RGS7: variants seen among roughly 807,000 people sequenced by gnomAD.
RGS7 encodes the protein regulator of G-protein signaling 7.
In RGS7, 27 loss-of-function variants were observed where a neutral mutation model predicts 81.1. The ratio of observed to expected loss-of-function variants is 0.33; its 90% confidence interval spans 0.25 to 0.46. The LOEUF is 0.46. Ranked by LOEUF, RGS7 falls within the 20% of genes least tolerant of loss-of-function variation. The probability of loss-of-function intolerance (pLI) is 1.00; values close to 1 mark genes in which losing one functional copy is unlikely to be tolerated. For synonymous variants in RGS7, 208 were observed against 207.7 expected (o/e 1.00, Z -0.01); for missense variants, 396 against 607.4 (o/e 0.65, Z 3.66).
At chr1:241,213,204 A>T (rs2074346774) in intron 2 of RGS7, among the ~76,000 whole-genome samples, 1 of 152,180 alleles carries the variant, frequency 6.6e-6, no homozygotes, top group South Asian at 2.1e-4. Flanking sequence ...CTTGGGTATG[A>T]GACTTTGTAG....
At position 241,123,382 on chromosome 1, in the gene RGS7, C is replaced by T. The variant is rs560687016; in HGVS notation, c.79-24620G>A. Among the ~76,000 whole-genome samples the T allele has an allele frequency of 6.6e-5, 10 of 152,310 alleles. No individual in the cohort carries two copies. In the South Asian group the frequency reaches 2.1e-3, roughly 32 times the overall value. ...GCAGAGACAATGCCACTATTCCCAC[C>T]ATTCTAATTATGACCCACATCCTGG... On this transcript the variant is annotated intron_variant, in intron 2 of 18. Coordinates refer to ENST00000440928, the MANE Select transcript of RGS7 (RefSeq NM_001364886.1).
rs1053882307 is a variant in RGS7, at chr1:241,079,610, T to G, written c.175+19056A>C. 3.3e-5 allele frequency among the ~76,000 whole-genome samples: 5 copies of G among 152,062 alleles called. No individual in the cohort carries two copies. In the South Asian group the frequency reaches 1.0e-3, roughly 32 times the overall value. ...TTAGGAGGTAAAAATTTGGAGCTCT[T>G]CTACTTATGATTAAACAGAAAGAGG... On this transcript the variant is annotated intron_variant, in intron 3 of 18. Coordinates refer to ENST00000440928, the MANE Select transcript of RGS7 (RefSeq NM_001364886.1).
At chr1:240,927,480 C>A (rs962209402) in intron 6 of RGS7, among the ~76,000 whole-genome samples, 3 of 152,212 alleles carry the variant, frequency 2.0e-5, no homozygotes, top group African/African-American at 7.2e-5. Context: ...AAGTACATCA[C>A]ACCATCAATA....
Position 241,326,962 on chromosome 1 carries a change from A to AAGAGAGAG in RGS7, c.78+28729_78+28736dup, listed in dbSNP as rs374037886. On this transcript the variant is annotated intron_variant, in intron 2 of 18. Transcript: ENST00000440928. Reference sequence around the variant, plus strand: ...AGAGAGAAATAAGCAGGAAGGAAGGAAGAGAGAGAGAGAGAGAGAAGAAAG... The same window carrying AAGAGAGAG: ...AGAGAGAAATAAGCAGGAAGGAAGGAAGAGAGAGAGAGAGAGAGAGAGAGAGAAGAAAG... Among the ~76,000 whole-genome samples, 48 of 124,556 alleles carry AAGAGAGAG rather than the reference A, an allele frequency of 3.9e-4. 4 individuals carry two copies. In the South Asian group the frequency reaches 7.1e-3, roughly 18 times the overall value. The allele number at this position is 124,556 out of a possible 152,430, so 81.7% of individuals were successfully genotyped here. A position where few individuals can be genotyped will look rare whatever the true frequency, so the allele number is the denominator to read the frequency against.
chr1:240,796,029 T>C (rs754358075), intron 18 of RGS7, among the ~76,000 whole-genome samples: 6 of 152,246 alleles, frequency 3.9e-5, no homozygotes, highest in Non-Finnish European at 5.9e-5. Flanking sequence ...TAGAGCCACG[T>C]TCCCGCCTCA....
At chr1:241,226,433 C>A (rs1481187949) in intron 2 of RGS7, among the ~76,000 whole-genome samples, 1 of 152,186 alleles carries the variant, frequency 6.6e-6, no homozygotes, top group Non-Finnish European at 1.5e-5. Context: ...AGAGTGATAT[C>A]TCTATCTCAG....
chr1:240,900,715 C>A (rs1669856969), intron 6 of RGS7, among the ~76,000 whole-genome samples: 1 of 152,198 alleles, frequency 6.6e-6, no homozygotes, highest in African/African-American at 2.4e-5. Flanking sequence ...CTGGGATGTG[C>A]CTCCCAGTTA....
At chr1:241,012,869 GTTCT>G (rs990104670) in intron 3 of RGS7, among the ~76,000 whole-genome samples, 2 of 152,054 alleles carry the variant, frequency 1.3e-5, no homozygotes, top group Non-Finnish European at 2.9e-5. Context: ...GCTACTAACT[GTTCT>G]TTCTAATGGC....
At chr1:241,343,899 A>T (rs531002174) in intron 2 of RGS7, among the ~76,000 whole-genome samples, 33 of 152,328 alleles carry the variant, frequency 2.2e-4, no homozygotes, top group African/African-American at 7.0e-4. Context: ...AAGAAAAAGT[A>T]AAGAAGACTT....
At chr1:241,079,372 C>T (rs930194679) in intron 3 of RGS7, among the ~76,000 whole-genome samples, 1 of 152,148 alleles carries the variant, frequency 6.6e-6, no homozygotes, top group African/African-American at 2.4e-5. Flanking sequence ...TATTCTTGTA[C>T]TCCAGGTGCT....
chr1:241,241,551 C>T (rs901426269), intron 2 of RGS7, among the ~76,000 whole-genome samples: 2 of 152,072 alleles, frequency 1.3e-5, no homozygotes, highest in African/African-American at 4.8e-5. Flanking sequence ...TTGACCTTCA[C>T]CTTCTGCCTC....
At chr1:241,040,161 T>C (rs2060537651) in intron 3 of RGS7, among the ~76,000 whole-genome samples, 1 of 152,208 alleles carries the variant, frequency 6.6e-6, no homozygotes, top group Non-Finnish European at 1.5e-5. Context: ...CACATCTCCT[T>C]TAGACCCCTC....
chr1:240,895,866 G>C (rs572194106), intron 6 of RGS7, among the ~76,000 whole-genome samples: 10 of 152,304 alleles, frequency 6.6e-5, no homozygotes, highest in Admixed American at 3.9e-4. Context: ...TCACTGCGCT[G>C]TCTTCCACAA....
chr1:240,859,986 T>C lies in RGS7; in HGVS notation c.609+8601A>G, dbSNP rs183718575. Among the ~76,000 whole-genome samples the C allele has an allele frequency of 2.3e-3, 345 of 152,344 alleles. 3 individuals are homozygous for C. The Middle Eastern group carries it at 0.027, about 12-fold the overall frequency. On this transcript the variant is annotated intron_variant, in intron 9 of 18. Coordinates refer to ENST00000440928, the MANE Select transcript of RGS7 (RefSeq NM_001364886.1). ...GACCCATGTGTTATTTAGAAGTGTG[T>C]TGTTTAATCTACTAGTATTTTGAGA...
At chr1:241,247,160 A>C (rs2076588004) in intron 2 of RGS7, among the ~76,000 whole-genome samples, 4 of 152,186 alleles carry the variant, frequency 2.6e-5, no homozygotes, top group Admixed American at 6.5e-5. Context: ...AAGCTCTTTC[A>C]AAACAAGGAC....
intron 3 of RGS7, among the ~76,000 whole-genome samples, chr1:241,017,207 T>C (rs1011542185): frequency 3.9e-5 from 6 of 152,092 alleles, no homozygotes; most frequent in African/African-American, 1.2e-4. Context: ...ATATTTTAGA[T>C]TAATTAAGTG....
intron 6 of RGS7, among the ~76,000 whole-genome samples, chr1:240,900,433 C>G (rs1669798211): frequency 6.6e-6 from 1 of 152,090 alleles, no homozygotes; most frequent in Non-Finnish European, 1.5e-5. Context: ...TTTTATCTAC[C>G]TTTGGTCTTT....
chr1:241,126,219 G>A (rs988657417), intron 2 of RGS7, among the ~76,000 whole-genome samples: 13 of 151,882 alleles, frequency 8.6e-5, no homozygotes, highest in South Asian at 2.1e-4. Context: ...GTGCAATCTC[G>A]GCTCAATGCA....
intron 5 of RGS7, among the ~76,000 whole-genome samples, 177 bp from the exon 6 acceptor site, chr1:240,930,945 G>A (rs1675340967): frequency 6.6e-6 from 1 of 152,142 alleles, no homozygotes; most frequent in Non-Finnish European, 1.5e-5. Context: ...GTACTTTGCT[G>A]ACCAATTGCT....
Sources: gnomAD v4.1 joint callset for allele counts (sites outside exome capture counted in the v4.1 genomes callset) on GRCh38, gnomAD v4.1.1 for gene constraint, MANE v1.5 for transcripts, NCBI Gene and HGNC (gene_info 2026-07-23, HGNC 2026-07-21) for gene names.